The following PRTG variants were observed in gnomAD, a reference collection of about 807,000 sequenced individuals.
The protein encoded by PRTG is immunoglobulin superfamily, DCC subclass, member 5.
PRTG carries 67 observed loss-of-function variants against 122.5 expected under a neutral mutation model. The observed-to-expected ratio is 0.55, with a 90% CI of 0.45 to 0.67. The LOEUF (loss-of-function observed/expected upper bound fraction) is 0.67, where lower values mean the gene tolerates loss of function less well. PRTG is among the 30% of genes least tolerant of loss of function. The pLI, the probability that PRTG is intolerant of heterozygous loss-of-function variation, is 0.00. For missense variants in PRTG, 1,435 were observed against 1,415.4 expected (o/e 1.01, Z -0.22); for synonymous variants, 554 against 501.1 (o/e 1.11, Z -1.41).
intron 11 of PRTG, among the ~76,000 whole-genome samples, chr15:55,642,164 G>C (rs958267878): frequency 2.6e-5 from 3 of 114,116 alleles, no homozygotes; most frequent in African/African-American, 1.3e-4. Flanking sequence ...CTGGGCGACA[G>C]AGCGAGACTC....
At chr15:55,628,546 G>A (rs1287052915) in intron 16 of PRTG, among the ~76,000 whole-genome samples, 1 of 152,126 alleles carries the variant, frequency 6.6e-6, no homozygotes, top group Non-Finnish European at 1.5e-5. Flanking sequence ...GTTCATGGCT[G>A]ATGTGGCTCC....
intron 2 of PRTG, among the ~76,000 whole-genome samples, chr15:55,737,976 T>TTCTTTCTCTC (rs1555438555): frequency 1.1e-5 from 1 of 91,810 alleles, no homozygotes; most frequent in African/African-American, 4.8e-5. Context: ...TTAATGCCTA[T>TTCTTTCTCTC]TCTCTCTCTC....
At chr15:55,716,832 T>A (rs1011062791) in intron 2 of PRTG, among the ~76,000 whole-genome samples, 1 of 152,198 alleles carries the variant, frequency 6.6e-6, no homozygotes, top group Non-Finnish European at 1.5e-5. Flanking sequence ...GTATCACACA[T>A]ACATGTGTAT....
At chr15:55,663,011 G>C (rs1016262600) in intron 11 of PRTG, among the ~76,000 whole-genome samples, 18 of 152,174 alleles carry the variant, frequency 1.2e-4, no homozygotes, top group African/African-American at 4.1e-4. Context: ...AGTGAACTCA[G>C]TATCTCCTAC....
At chr15:55,721,417 T>C (rs928606536) in intron 2 of PRTG, among the ~76,000 whole-genome samples, 5 of 152,202 alleles carry the variant, frequency 3.3e-5, no homozygotes, top group African/African-American at 9.7e-5. Flanking sequence ...ATAATGAGTC[T>C]TTCCTTGAGT....
At chr15:55,675,909 A>ATTCATC (rs1167061866) in intron 8 of PRTG, among the ~76,000 whole-genome samples, 1 of 152,160 alleles carries the variant, frequency 6.6e-6, no homozygotes, top group Non-Finnish European at 1.5e-5. Context: ...ACTGAAAAGA[A>ATTCATC]TTCATCTTCT....
At chr15:55,708,229 G>C (rs2030229660) in intron 2 of PRTG, among the ~76,000 whole-genome samples, 1 of 148,712 alleles carries the variant, frequency 6.7e-6, no homozygotes, top group Non-Finnish European at 1.5e-5. Context: ...AAATGGAATG[G>C]AACAGATAAA....
intron 2 of PRTG, among the ~76,000 whole-genome samples, chr15:55,710,457 A>T (rs1157743590): frequency 6.6e-6 from 1 of 152,182 alleles, no homozygotes; most frequent in Admixed American, 6.5e-5. Context: ...TGTTCTCTTA[A>T]TCCCAAACCA....
chr15:55,685,619 A>G (rs189247644), intron 2 of PRTG, among the ~76,000 whole-genome samples: 1 of 152,174 alleles, frequency 6.6e-6, no homozygotes. Context: ...ATGTAAAGCA[A>G]TTCTGCTCCT....
At chr15:55,736,688 AT>A (rs2031423265) in intron 2 of PRTG, among the ~76,000 whole-genome samples, 1 of 152,184 alleles carries the variant, frequency 6.6e-6, no homozygotes, top group Admixed American at 6.5e-5. Context: ...TTAAAAAATC[AT>A]AAAGTTACAA....
chr15:55,647,930 G>C (rs886837238), intron 11 of PRTG, among the ~76,000 whole-genome samples: 1 of 152,152 alleles, frequency 6.6e-6, no homozygotes, highest in African/African-American at 2.4e-5. Flanking sequence ...GTTGGCTTGC[G>C]TATACTATTG....
At position 55,620,069 on chromosome 15, in the gene PRTG, C is replaced by T. The variant is rs764137048; in HGVS notation, c.3396G>A (p.Glu1132=). The change falls in exon 20 of 20, where the codon GAG becomes GAA. Residue 1132 remains glutamate, a synonymous_variant. Transcript: ENST00000389286. ...AGGACAGATGTATCTCATCGTTGGACTCATGAGAAAACCGCCCAGAATCCC... is the reference window on the plus strand; with the variant it reads ...AGGACAGATGTATCTCATCGTTGGATTCATGAGAAAACCGCCCAGAATCCC... ...ETGDSGRFSH[E]SNDEIHLSSV... The T allele has an allele frequency of 1.1e-5, 18 of 1,614,042 alleles. No individual in the cohort carries two copies. Among genetic ancestry groups the T allele is most frequent in the South Asian group, 1.1e-5 (1 of 91,088 alleles).
chr15:55,675,721 T>C, intron 8 of PRTG, 38 bp from the exon 9 acceptor site: 1 of 1,347,338 alleles, frequency 7.4e-7, no homozygotes, highest in East Asian at 2.3e-5. Context: ...TGACAGATAT[T>C]CAAAATAAAA....
chr15:55,621,223 G>T (rs1176185930), intron 18 of PRTG, among the ~76,000 whole-genome samples: 1 of 152,018 alleles, frequency 6.6e-6, no homozygotes, highest in Non-Finnish European at 1.5e-5. Flanking sequence ...GTGGTGGCAG[G>T]CGCCTGTAAT....
chr15:55,684,354 T>C (rs1035974906), intron 2 of PRTG, among the ~76,000 whole-genome samples: 1 of 152,204 alleles, frequency 6.6e-6, no homozygotes, highest in Non-Finnish European at 1.5e-5. Flanking sequence ...TTTTGAAGAA[T>C]CCACTGGATT....
Position 55,638,771 on chromosome 15 carries a change from AT to A in PRTG, c.2325-96del, listed in dbSNP as rs1353168596. 3.0e-6 allele frequency: 3 copies of A among 1,009,898 alleles called. No individual in the cohort carries two copies. The Admixed American group carries it at 8.1e-5, about 27-fold the overall frequency. 62.6% of individuals were successfully genotyped at this position (1,009,898 alleles called of 1,614,324 possible). A position where few individuals can be genotyped will look rare whatever the true frequency, so the allele number is the denominator to read the frequency against. On this transcript the variant is annotated intron_variant, in intron 13 of 19. Transcript: ENST00000389286. ...TCCAAATAGGTAAGGGCATAATGTT[AT>A]TTTTCATTACCTCCTTATTTTATAT...
chr15:55,645,433 C>CAAAAAAAAAAAAAAAAAAAAAAAAAAAAA (rs374791424), intron 11 of PRTG, among the ~76,000 whole-genome samples: 6 of 18,950 alleles, frequency 3.2e-4, no homozygotes, highest in Admixed American at 1.0e-3. Flanking sequence ...AACTCCGTCT[C>CAAAAAAAAAAAAAAAAAAAAAAAAAAAAA]AAAAAAAAAA....
chr15:55,685,786 G>A (rs2059567058), intron 2 of PRTG, among the ~76,000 whole-genome samples: 2 of 152,096 alleles, frequency 1.3e-5, no homozygotes, highest in Admixed American at 1.3e-4. Flanking sequence ...AGTTTTAAGA[G>A]TATAAAGAGT....
At chr15:55,689,795 G>C (rs1161310004) in intron 2 of PRTG, among the ~76,000 whole-genome samples, 1 of 152,062 alleles carries the variant, frequency 6.6e-6, no homozygotes, top group Non-Finnish European at 1.5e-5. Flanking sequence ...AGGCATGGCG[G>C]CGTGCACCTG....
Sources: allele counts gnomAD v4.1 joint callset (sites outside exome capture counted in the v4.1 genomes callset), GRCh38; gene constraint gnomAD v4.1.1; transcripts MANE v1.5; gene names NCBI Gene and HGNC (gene_info 2026-07-23, HGNC 2026-07-21).